Variants in MICU1 observed in about 807,000 individuals in gnomAD.
The protein encoded by MICU1 is mitochondrial calcium uptake 1.
Under a neutral mutation model 56.8 loss-of-function variants are expected in MICU1, and 45 were observed. The observed-to-expected ratio is 0.79, with a 90% CI of 0.62 to 1.02. MICU1 has a LOEUF of 1.02. MICU1 is among the 50% of genes least tolerant of loss of function. The pLI is 0.00. For synonymous variants in MICU1, 186 were observed against 195.1 expected, an observed-to-expected ratio of 0.95 and a Z score of 0.39; for missense variants, 504 against 587.1, an observed-to-expected ratio of 0.86 and a Z score of 1.46.
At chr10:72,426,878 G>C (rs1022819067) in intron 8 of MICU1, among the ~76,000 whole-genome samples, 11 of 152,152 alleles carry the variant, frequency 7.2e-5, no homozygotes, top group Non-Finnish European at 1.6e-4. Flanking sequence ...GTTGTGGGAG[G>C]ATCTTTTGAG....
intron 1 of MICU1, among the ~76,000 whole-genome samples, chr10:72,616,010 C>CA (rs1019998017): frequency 7.3e-5 from 11 of 150,520 alleles, no homozygotes; most frequent in East Asian, 3.9e-4. Context: ...AAACAAAAAA[C>CA]AAAAAAAAAC....
intron 4 of MICU1, among the ~76,000 whole-genome samples, 160 bp downstream of exon 4, chr10:72,551,019 T>C (rs1350459529): frequency 1.3e-5 from 2 of 152,182 alleles, no homozygotes; most frequent in Non-Finnish European, 2.9e-5. Flanking sequence ...GGCTTCTCTT[T>C]TGTACTCCTA....
At chr10:72,554,048 C>T (rs1454823667) in intron 3 of MICU1, among the ~76,000 whole-genome samples, 1 of 152,144 alleles carries the variant, frequency 6.6e-6, no homozygotes, top group Non-Finnish European at 1.5e-5. Context: ...CCTTATAAGA[C>T]TTTCTTGAGC....
Position 72,543,683 on chromosome 10 carries a change from A to G in MICU1, c.493+7496T>C, listed in dbSNP as rs150796275. On this transcript the variant is annotated intron_variant, in intron 4 of 11. Coordinates refer to ENST00000361114, the MANE Select transcript of MICU1 (RefSeq NM_001195518.2). ...ATCCTGGCTAACACGGTGAAACCCC[A>G]TCTCTACCAAAAATACAAAAAATTG... is the stretch of plus-strand genomic sequence containing the variant. 4.5e-3 allele frequency among the ~76,000 whole-genome samples: 678 copies of G among 152,232 alleles called. 5 individuals are homozygous for G. Among genetic ancestry groups the G allele is most frequent in the African/African-American group, 0.016 (645 of 41,546 alleles).
intron 6 of MICU1, among the ~76,000 whole-genome samples, chr10:72,507,818 A>G (rs899672397): frequency 1.3e-5 from 2 of 151,928 alleles, no homozygotes; most frequent in Non-Finnish European, 2.9e-5. Flanking sequence ...GGGTTTCACC[A>G]TGTTGCCCAG....
At chr10:72,512,375 G>A (rs1015887490) in intron 5 of MICU1, among the ~76,000 whole-genome samples, 2 of 151,990 alleles carry the variant, frequency 1.3e-5, no homozygotes, top group African/African-American at 2.4e-5. Context: ...TCAAAGTGCT[G>A]GGATTACAGG....
chr10:72,495,912 C>G (rs1044632214), intron 6 of MICU1, among the ~76,000 whole-genome samples: 3 of 151,926 alleles, frequency 2.0e-5, no homozygotes, highest in African/African-American at 7.3e-5. Flanking sequence ...ACTGAGGATG[C>G]CTGGAGCAAT....
At position 72,488,193 on chromosome 10, in the gene MICU1, C is replaced by CA. The variant is rs1263516914; in HGVS notation, c.653-10938dup. Among the ~76,000 whole-genome samples the CA allele has an allele frequency of 6.6e-3, 395 of 60,152 alleles. 1 individual carries two copies. Among genetic ancestry groups the CA allele is most frequent in the South Asian group, 0.019 (43 of 2,236 alleles). The allele number at this position is 60,152 out of a possible 152,430, so 39.5% of individuals were successfully genotyped here. ...GGGCAACAAGAGCAAAACTCCATCT[C>CA]AAAAAAAAAAAAAGAAAAAAAAATT... On this transcript the variant is annotated intron_variant, in intron 6 of 11. Transcript: ENST00000361114.
intron 6 of MICU1, among the ~76,000 whole-genome samples, chr10:72,485,337 C>T (rs893069656): frequency 6.6e-6 from 1 of 151,926 alleles, no homozygotes; most frequent in African/African-American, 2.4e-5. Flanking sequence ...CTCGACCTCC[C>T]AAAGTGCTGG....
At position 72,432,238 on chromosome 10, in the gene MICU1, C is replaced by T. The variant is rs547349659; in HGVS notation, c.934-8867G>A. ...CCCCCTGAGTAGCTAGGACTACAGG[C>T]GTGTGCCACCATGCCCAGCTATGTT... is the stretch of plus-strand genomic sequence containing the variant. On this transcript the variant is annotated intron_variant, in intron 8 of 11. Coordinates refer to ENST00000361114, the MANE Select transcript of MICU1 (RefSeq NM_001195518.2). 1.1e-4 allele frequency among the ~76,000 whole-genome samples: 17 copies of T among 152,102 alleles called. No homozygotes were observed. In the South Asian group the frequency reaches 2.3e-3, roughly 20 times the overall value.
intron 3 of MICU1, among the ~76,000 whole-genome samples, chr10:72,554,024 C>T (rs1379168044): frequency 6.6e-6 from 1 of 152,106 alleles, no homozygotes; most frequent in Non-Finnish European, 1.5e-5. Context: ...TACGATGGTT[C>T]ATTCAGTCAT....
intron 3 of MICU1, among the ~76,000 whole-genome samples, chr10:72,551,758 C>T (rs990661339): frequency 1.3e-5 from 2 of 152,192 alleles, no homozygotes; most frequent in African/African-American, 2.4e-5. Flanking sequence ...CTATTTTTTA[C>T]AATCCTTCCC....
At chr10:72,608,637 AT>A (rs1841756580) in intron 1 of MICU1, among the ~76,000 whole-genome samples, 1 of 152,228 alleles carries the variant, frequency 6.6e-6, no homozygotes, top group Admixed American at 6.5e-5. Context: ...ACCTTTGTGC[AT>A]TGTTGGTGGG....
At chr10:72,597,785 C>T (rs1007181199) in intron 1 of MICU1, among the ~76,000 whole-genome samples, 1 of 152,114 alleles carries the variant, frequency 6.6e-6, no homozygotes, top group Non-Finnish European at 1.5e-5. Context: ...AGATATATTG[C>T]AGCTGAAGGA....
rs567617231 is a variant in MICU1 at position 72,525,572 on chromosome 10, G to A, written c.537+8174C>T. Among the ~76,000 whole-genome samples the A allele has an allele frequency of 9.8e-5, 15 of 152,294 alleles. No homozygotes were observed. In the East Asian group the frequency reaches 2.7e-3, roughly 27 times the overall value. ...AGTTGCTCATTACAGAGATAGCACAGGAGATTTTTATAGCTAATTAAACTG... is the reference window on the plus strand; with the variant it reads ...AGTTGCTCATTACAGAGATAGCACAAGAGATTTTTATAGCTAATTAAACTG... On this transcript the variant is annotated intron_variant, in intron 5 of 11. Transcript: ENST00000361114.
At chr10:72,400,865 C>T (rs1216429848) in intron 10 of MICU1, among the ~76,000 whole-genome samples, 1 of 141,882 alleles carries the variant, frequency 7.0e-6, no homozygotes, top group African/African-American at 2.8e-5. Flanking sequence ...TCTGGTGGTG[C>T]TACACACACA....
In MICU1 at chr10:72,464,795, A is replaced by G. The variant is rs554751045; in HGVS notation, c.933+10305T>C. Among the ~76,000 whole-genome samples, 141 of 152,350 alleles carry G rather than the reference A, an allele frequency of 9.3e-4. 2 individuals carry two copies. Among genetic ancestry groups the G allele is most frequent in the Non-Finnish European group, 1.6e-3 (111 of 68,030 alleles). On this transcript the variant is annotated intron_variant, in intron 8 of 11. Transcript: ENST00000361114. ...TGATAGCAAACTTGAGCTGGAGAGA[A>G]TAAAGGGAATTGCAAGAAATTAAAT...
chr10:72,499,040 G>A (rs1352095996), intron 6 of MICU1, among the ~76,000 whole-genome samples: 14 of 152,010 alleles, frequency 9.2e-5, no homozygotes, highest in African/African-American at 3.4e-4. Context: ...AATGAGGCTG[G>A]ACTGATTCAA....
At chr10:72,609,877 T>C (rs1207195148) in intron 1 of MICU1, among the ~76,000 whole-genome samples, 3 of 151,356 alleles carry the variant, frequency 2.0e-5, no homozygotes, top group African/African-American at 4.9e-5. Context: ...CTACTAAAAA[T>C]ACAAAAAATT....
Sources: gnomAD v4.1 joint callset for allele counts (sites outside exome capture counted in the v4.1 genomes callset) on GRCh38, gnomAD v4.1.1 for gene constraint, MANE v1.5 for transcripts, NCBI Gene and HGNC (gene_info 2026-07-23, HGNC 2026-07-21) for gene names.